RBFOX1: variants seen among roughly 807,000 people sequenced by gnomAD.
RBFOX1 encodes the protein RNA binding protein fox-1 homolog 1.
In RBFOX1, 8 loss-of-function variants were observed where a neutral mutation model predicts 57.7. The ratio of observed to expected loss-of-function variants is 0.14; its 90% CI spans 0.08 to 0.25. RBFOX1 has a LOEUF of 0.25. Ranked by LOEUF, RBFOX1 falls within the 10% of genes least tolerant of loss-of-function variation. The pLI is 1.00. For missense variants in RBFOX1, 611 were observed against 548.5 expected (o/e 1.11, Z -1.14); for synonymous variants, 326 against 222.4 (o/e 1.47, Z -4.15).
At chr16:5,284,135 C>T (rs1263463488) in intron 1 of RBFOX1, among the ~76,000 whole-genome samples, 1 of 152,206 alleles carries the variant, frequency 6.6e-6, no homozygotes, top group East Asian at 1.9e-4. Flanking sequence ...CTGCTGCCAT[C>T]CATGTGAGCC....
At chr16:5,617,272 C>G (rs564767788) in intron 3 of RBFOX1, among the ~76,000 whole-genome samples, 1 of 152,320 alleles carries the variant, frequency 6.6e-6, no homozygotes, top group South Asian at 2.1e-4. Flanking sequence ...AGCTCCCATT[C>G]ACTTTGAAGA....
At chr16:5,676,068 G>A (rs749061222) in intron 3 of RBFOX1, among the ~76,000 whole-genome samples, 6 of 152,100 alleles carry the variant, frequency 3.9e-5, no homozygotes, top group African/African-American at 7.2e-5. Context: ...GGGAGGGAAC[G>A]TCGCACACCA....
chr16:5,275,338 A>G lies in RBFOX1; in HGVS notation c.219+35233A>G, dbSNP rs539567576. On this transcript the variant is annotated intron_variant, in intron 1 of 2. Coordinates refer to the RBFOX1 transcript ENST00000585867. The stretch of plus-strand genomic sequence containing the variant: ...GCTTATTGCTATTTAAAAATATACA[A>G]TAAATTCATTTATCAGGATACAAAA... Among the ~76,000 whole-genome samples the G allele has an allele frequency of 7.2e-5, 11 of 152,340 alleles. No homozygotes were observed. In the East Asian group the frequency reaches 2.1e-3, roughly 29 times the overall value.
intron 2 of RBFOX1, among the ~76,000 whole-genome samples, chr16:5,583,579 G>C (rs1314005421): frequency 6.6e-6 from 1 of 152,148 alleles, no homozygotes; most frequent in Non-Finnish European, 1.5e-5. Flanking sequence ...CCTGATTCAC[G>C]AATTGTTTCT....
At chr16:6,174,560 A>C (rs1045683176) in intron 1 of RBFOX1, among the ~76,000 whole-genome samples, 5 of 152,178 alleles carry the variant, frequency 3.3e-5, no homozygotes, top group Non-Finnish European at 7.3e-5. Context: ...ATGCCACTGC[A>C]CTCCAGCCTG....
At chr16:5,822,519 G>A (rs1321460646) in intron 3 of RBFOX1, among the ~76,000 whole-genome samples, 1 of 151,936 alleles carries the variant, frequency 6.6e-6, no homozygotes, top group African/African-American at 2.4e-5. Context: ...ATAAGTTCTG[G>A]AGATCTACTC....
At chr16:5,744,401 T>C (rs772587159) in intron 3 of RBFOX1, among the ~76,000 whole-genome samples, 2 of 152,198 alleles carry the variant, frequency 1.3e-5, no homozygotes, top group Non-Finnish European at 2.9e-5. Flanking sequence ...CAAAGTAACT[T>C]TAGATTCTTC....
At chr16:7,438,518 C>G (rs2098740319) in intron 4 of RBFOX1, among the ~76,000 whole-genome samples, 1 of 152,162 alleles carries the variant, frequency 6.6e-6, no homozygotes, top group African/African-American at 2.4e-5. Context: ...CGGACTCCAG[C>G]CTTCCTTTAG....
intron 1 of RBFOX1, among the ~76,000 whole-genome samples, chr16:5,448,905 C>T (rs1383145855): frequency 6.6e-6 from 1 of 152,092 alleles, no homozygotes; most frequent in Non-Finnish European, 1.5e-5. Context: ...CTACCTGCCT[C>T]TTCAGCTTGG....
At chr16:5,772,174 T>C (rs1350306692) in intron 3 of RBFOX1, among the ~76,000 whole-genome samples, 2 of 152,006 alleles carry the variant, frequency 1.3e-5, no homozygotes, top group Non-Finnish European at 1.5e-5. Context: ...TCTGTCTAAA[T>C]AAATAAAAAA....
chr16:7,334,050 A>T (rs73563867), intron 4 of RBFOX1, among the ~76,000 whole-genome samples: 6 of 152,214 alleles, frequency 3.9e-5, no homozygotes, highest in Admixed American at 1.3e-4. Context: ...CCAGCCCCTC[A>T]TAGTTAAAAA....
rs2073976926 is a variant in RBFOX1, at chr16:7,508,150, A to G, written c.28-9997A>G. 2.6e-5 allele frequency among the ~76,000 whole-genome samples: 4 copies of G among 151,466 alleles called. No homozygotes were observed. The South Asian group carries it at 8.3e-4, about 32-fold the overall frequency. ...TACAGGCACCTGCCACAATGCCTGG[A>G]TAATTTTTGTATTTTTCGTAGAGAT... On this transcript the variant is annotated intron_variant, in intron 4 of 15. Transcript: ENST00000550418.
intron 2 of RBFOX1, among the ~76,000 whole-genome samples, chr16:6,456,354 GC>G (rs1239072555): frequency 1.3e-5 from 2 of 152,100 alleles, no homozygotes; most frequent in African/African-American, 2.4e-5. Context: ...TGTCTTCCAG[GC>G]TGGAGTGCAT....
At chr16:7,654,273 G>C (rs2065796491) in intron 12 of RBFOX1, among the ~76,000 whole-genome samples, 1 of 152,184 alleles carries the variant, frequency 6.6e-6, no homozygotes, top group South Asian at 2.1e-4. Context: ...CAAACATCTG[G>C]TTATTAAGGA....
intron 1 of RBFOX1, among the ~76,000 whole-genome samples, chr16:6,144,212 G>A (rs1459947835): frequency 1.3e-5 from 2 of 151,986 alleles, no homozygotes; most frequent in African/African-American, 4.8e-5. Flanking sequence ...TATAAGTGCT[G>A]GGATCATAAT....
intron 2 of RBFOX1, among the ~76,000 whole-genome samples, chr16:6,568,393 G>GATGGCTCT (rs2097297261): frequency 6.6e-6 from 1 of 152,156 alleles, no homozygotes; most frequent in Non-Finnish European, 1.5e-5. Context: ...AGACATGGCG[G>GATGGCTCT]ATGGCTCTCT....
At chr16:7,403,282 A>G (rs908339923) in intron 4 of RBFOX1, among the ~76,000 whole-genome samples, 6 of 152,116 alleles carry the variant, frequency 3.9e-5, no homozygotes, top group African/African-American at 1.4e-4. Flanking sequence ...AGTATACAAT[A>G]CAGTATCATT....
chr16:5,366,283 C>A, intron 1 of RBFOX1: 1 of 372,646 alleles, frequency 2.7e-6, no homozygotes, highest in Non-Finnish European at 5.2e-6. Context: ...GAAGATGATG[C>A]TGGTCATGAC....
intron 1 of RBFOX1, among the ~76,000 whole-genome samples, chr16:6,260,807 G>T (rs2097697427): frequency 6.6e-6 from 1 of 152,028 alleles, no homozygotes. Flanking sequence ...CTTGAACCTG[G>T]GAGGCAGAGG....
Sources: gnomAD v4.1 joint callset for allele counts (sites outside exome capture counted in the v4.1 genomes callset) on GRCh38, gnomAD v4.1.1 for gene constraint, MANE v1.5 for transcripts, NCBI Gene and HGNC (gene_info 2026-07-23, HGNC 2026-07-21) for gene names.